Variants in ZNF772 observed in about 807,000 individuals in gnomAD.
ZNF772 encodes zinc finger protein 772.
Under a neutral mutation model 11.0 loss-of-function variants are expected in ZNF772, and 8 were observed. The ratio of observed to expected loss-of-function variants is 0.73; its 90% CI spans 0.43 to 1.31. The LOEUF (loss-of-function observed/expected upper bound fraction) is 1.31, where lower values mean the gene tolerates loss of function less well. Among genes scored for constraint, ZNF772 ranks in the 50% most tolerant of loss-of-function variants. The pLI is 0.01. For synonymous variants in ZNF772, 155 were observed against 180.4 expected, an observed-to-expected ratio of 0.86 and a Z score of 1.13; for missense variants, 496 against 552.3, an observed-to-expected ratio of 0.90 and a Z score of 1.02.
chr19:57,475,186 T>C lies in ZNF772; in HGVS notation c.199+474A>G, dbSNP rs550722501. 2.7e-5 allele frequency: 43 copies of C among 1,607,214 alleles called. No homozygotes were observed. The Middle Eastern group carries it at 5.0e-4, about 19-fold the overall frequency. On this transcript the variant is annotated intron_variant, in intron 3 of 3. Transcript: ENST00000356584. The surrounding 1 kb of genome is among the most constrained non-coding windows in gnomAD (Gnocchi z 4.2). The stretch of plus-strand genomic sequence containing the variant: ...GAACAGCACTGGTCTGGGTAACCCA[T>C]ATAGAAAACTAAATATTATTAAAAT...
In ZNF772 at chr19:57,473,563, A is replaced by G; in HGVS notation, c.1058T>C (p.Ile353Thr). ...GKYFGHKYRLIKHWSVHTGAR... is the reference protein window; with the variant it reads ...GKYFGHKYRLTKHWSVHTGAR... ...TCCAGTATGAACACTCCAATGTTTA[A>G]TGAGTCTGTATTTGTGACCAAAGTA... The change falls in exon 4 of 4, where the codon ATT (isoleucine) becomes ACT (threonine). Residue 353 changes from isoleucine (I) to threonine (T), a missense_variant. Physicochemically the swap from Ile to Thr is moderately conservative, Grantham distance 89. Transcript: ENST00000356584. The G allele has an allele frequency of 6.2e-7, 1 of 1,612,636 alleles. No individual in the cohort carries two copies.
chr19:57,469,693 G>C lies in ZNF772; in HGVS notation c.*3581C>G, dbSNP rs2089192747. 6.6e-6 allele frequency: 1 copy of C among 152,198 alleles called. No homozygotes were observed. The highest frequency in any genetic ancestry group is 2.4e-5 in the African/African-American group (1 of 41,452). 9.4% of individuals were successfully genotyped at this position (152,198 alleles called of 1,614,324 possible). ...AGAAGTAAATCCAATTTAATATTCA[G>C]AGATGTCAACAATCCTCTTAAAATA... On this transcript the variant is annotated 3_prime_UTR_variant, in exon 4 of 4. Coordinates refer to ENST00000356584, the MANE Select transcript of ZNF772 (RefSeq NM_001144068.2).
Position 57,475,824 on chromosome 19 carries a change from C to T in ZNF772, c.73-38G>A, listed in dbSNP as rs2089277689. ...GGAGAGCCAAGTCCATGAGCAGCATCTCTCCCAAGAACCCCCATCCGTGCC... is the reference window on the plus strand; with the variant it reads ...GGAGAGCCAAGTCCATGAGCAGCATTTCTCCCAAGAACCCCCATCCGTGCC... On this transcript the variant is annotated intron_variant, in intron 2 of 3. Coordinates refer to ENST00000356584, the MANE Select transcript of ZNF772 (RefSeq NM_001144068.2). The surrounding 1 kb of genome is among the most constrained non-coding windows in gnomAD (Gnocchi z 4.2). The T allele has an allele frequency of 6.4e-7, 1 of 1,567,430 alleles. No individual in the cohort carries two copies. Among genetic ancestry groups the T allele is most frequent in the South Asian group, 1.2e-5 (1 of 82,746 alleles).
rs752102539 is a variant in ZNF772 at position 57,471,594 on chromosome 19, G to C, written c.*1680C>G. 6.6e-6 allele frequency: 1 copy of C among 152,266 alleles called. No homozygotes were observed. Among genetic ancestry groups the C allele is most frequent in the Non-Finnish European group, 1.5e-5 (1 of 68,180 alleles). 9.4% of individuals were successfully genotyped at this position (152,266 alleles called of 1,614,324 possible). On this transcript the variant is annotated 3_prime_UTR_variant, in exon 4 of 4. Coordinates refer to ENST00000356584, the MANE Select transcript of ZNF772 (RefSeq NM_001144068.2). ...TCTCTTCCACTTTTAACCAGGATTA[G>C]CTAGGGTTACTTATGAAATATAGCA... is the stretch of plus-strand genomic sequence containing the variant.
Position 57,473,579 on chromosome 19 carries a change from G to A in ZNF772, c.1042C>T (p.His348Tyr). ...CAATGTTTAATGAGTCTGTATTTGT[G>A]ACCAAAGTATTTTCCACATTCGCTG... The part of the protein sequence containing the change: ...ECSECGKYFG[H>Y]KYRLIKHWSV... The change falls in exon 4 of 4, where the codon CAC becomes TAC. Residue 348 changes from histidine to tyrosine, a missense_variant. Transcript: ENST00000356584. 2 of 1,613,156 alleles carry A rather than the reference G, an allele frequency of 1.2e-6. No homozygotes were observed. The highest frequency in any genetic ancestry group is 1.7e-6 in the Non-Finnish European group (2 of 1,179,216).
rs1358548197 is a variant in ZNF772 at position 57,472,120 on chromosome 19, A to T, written c.*1154T>A. ...TTCTGTAAACCCTCATAATGGAGCC[A>T]GAGTAATGGAAACACATGTGGATGT... On this transcript the variant is annotated 3_prime_UTR_variant, in exon 4 of 4. Transcript: ENST00000356584. 2 of 456,296 alleles carry T rather than the reference A, an allele frequency of 4.4e-6. No individual in the cohort carries two copies. The highest frequency in any genetic ancestry group is 4.7e-5 in the Admixed American group (2 of 42,586). The allele number at this position is 456,296 out of a possible 1,614,324, so 28.3% of individuals were successfully genotyped here. A position where few individuals can be genotyped will look rare whatever the true frequency, so the allele number is the denominator to read the frequency against.
rs2123144665 is a variant in ZNF772 at position 57,472,377 on chromosome 19, T to A, written c.*897A>T. On this transcript the variant is annotated 3_prime_UTR_variant, in exon 4 of 4. Transcript: ENST00000356584. ...TTCTGGGAACAAGGGACGTAATTCA[T>A]GTTGCTCCCAGACACATTAGAGATT... 1 of 345,272 alleles carries A rather than the reference T, an allele frequency of 2.9e-6. No individual in the cohort carries two copies. Among genetic ancestry groups the A allele is most frequent in the South Asian group, 2.2e-5 (1 of 44,666 alleles). The allele number at this position is 345,272 out of a possible 1,614,324, so 21.4% of individuals were successfully genotyped here. A position where few individuals can be genotyped will look rare whatever the true frequency, so the allele number is the denominator to read the frequency against.
Position 57,473,693 on chromosome 19 carries a change from T to A in ZNF772, c.928A>T (p.Lys310Ter). The A allele has an allele frequency of 1.2e-6, 2 of 1,614,038 alleles. No homozygotes were observed. Among genetic ancestry groups the A allele is most frequent in the Non-Finnish European group, 1.7e-6 (2 of 1,180,004 alleles). The change falls in exon 4 of 4, where the codon AAG (lysine) becomes TAG (stop). Residue 310 changes from lysine (K) to a stop codon, truncating the protein, a stop_gained. Coordinates refer to ENST00000356584, the MANE Select transcript of ZNF772 (RefSeq NM_001144068.2). LOFTEE classifies it low-confidence loss of function (END_TRUNC). ...QRVHTGARPY[K>*]CSECGKAYSH... The stretch of plus-strand genomic sequence containing the variant: ...TAGGCTTTCCCACATTCACTGCACT[T>A]GTAAGGCCTTGCTCCAGTGTGTACT...
intron 1 of ZNF772, among the ~76,000 whole-genome samples, chr19:57,476,898 T>A (rs920466130): frequency 6.6e-6 from 1 of 152,210 alleles, no homozygotes; most frequent in African/African-American, 2.4e-5. Context: ...GTCTATGGAA[T>A]ACTTTTTAAA....
In ZNF772 at chr19:57,473,884, ACT is replaced by A; in HGVS notation, c.735_736del (p.Arg245SerfsTer9). Reference sequence around the variant, plus strand: ...CTCATAAGGCCTTTCTCCAGTGTGGACTCTCTGGTGTTGAACAAGTGAGTCTT... The same window carrying A: ...CTCATAAGGCCTTTCTCCAGTGTGGACTCTGGTGTTGAACAAGTGAGTCTT... On this transcript the variant is annotated frameshift_variant, in exon 4 of 4. Coordinates refer to ENST00000356584, the MANE Select transcript of ZNF772 (RefSeq NM_001144068.2). LOFTEE classifies it low-confidence loss of function (END_TRUNC). The A allele has an allele frequency of 6.2e-7, 1 of 1,614,042 alleles. No homozygotes were observed. The highest frequency in any genetic ancestry group is 8.5e-7 in the Non-Finnish European group (1 of 1,180,014).
Position 57,473,720 on chromosome 19 carries a change from T to C in ZNF772, c.901A>G (p.Arg301Gly). ...NHSSNLIVHQ[R>G]VHTGARPYKC... The stretch of plus-strand genomic sequence containing the variant: ...TAAGGCCTTGCTCCAGTGTGTACTC[T>C]TTGATGTACAATAAGGTTAGAGCTA... Residue 301 changes from arginine (R) to glycine (G), a missense_variant, in exon 4 of 4, where the codon AGA becomes GGA. Physicochemically the swap from Arg to Gly is moderately radical, Grantham distance 125. Transcript: ENST00000356584. 6.2e-7 allele frequency: 1 copy of C among 1,614,226 alleles called. No individual in the cohort carries two copies.
At position 57,473,278 on chromosome 19, in the gene ZNF772, G is replaced by C. The variant is rs771622612; in HGVS notation, c.1343C>G (p.Pro448Arg). 3.0e-5 allele frequency: 48 copies of C among 1,611,038 alleles called. No homozygotes were observed. Among genetic ancestry groups the C allele is most frequent in the Non-Finnish European group, 2.0e-5 (24 of 1,177,962 alleles). The change falls in exon 4 of 4, where the codon CCT (proline) becomes CGT (arginine). Residue 448 changes from proline to arginine, a missense_variant. Physicochemically the swap from Pro to Arg is moderately radical, Grantham distance 103. Coordinates refer to ENST00000356584, the MANE Select transcript of ZNF772 (RefSeq NM_001144068.2). The stretch of plus-strand genomic sequence containing the variant: ...GAAACGGAATTATCTCCCATCCTAA[G>C]GCCTTTCTCCAGTGTGAATTTTCCA... ...RHWKIHTGER[P>R] is the part of the protein sequence containing the mutation.
Position 57,477,454 on chromosome 19 carries a change from C to T in ZNF772, c.-145G>A. ...CTCTTCAGGGAAGAAGACACTCTCT[C>T]ACGTTTTCCCTTTTCTGTCACCTCA... On this transcript the variant is annotated 5_prime_UTR_variant, in exon 1 of 4. Transcript: ENST00000356584. 1 of 772,770 alleles carries T rather than the reference C, an allele frequency of 1.3e-6. No homozygotes were observed. The highest frequency in any genetic ancestry group is 2.1e-6 in the Non-Finnish European group (1 of 482,380). The allele number at this position is 772,770 out of a possible 1,614,324, so 47.9% of individuals were successfully genotyped here. A position where few individuals can be genotyped will look rare whatever the true frequency, so the allele number is the denominator to read the frequency against.
intron 1 of ZNF772, 72 bp downstream of exon 1, chr19:57,477,205 G>A: frequency 1.2e-6 from 2 of 1,603,786 alleles, no homozygotes; most frequent in African/African-American, 1.3e-5. Flanking sequence ...AGTAACCCGA[G>A]GAATCGTTCA....
At position 57,477,257 on chromosome 19, in the gene ZNF772, C is replaced by T. The variant is rs1169706974; in HGVS notation, c.33+20G>A. 2 of 1,613,280 alleles carry T rather than the reference C, an allele frequency of 1.2e-6. No individual in the cohort carries two copies. Among genetic ancestry groups the T allele is most frequent in the African/African-American group, 2.7e-5 (2 of 74,908 alleles). ...TCAGAGATGGGGGTCAGCGCGCAGA[C>T]TCGCAGACGCAGCACCCACCTGTGC... On this transcript the variant is annotated intron_variant, in intron 1 of 3. Coordinates refer to ENST00000356584, the MANE Select transcript of ZNF772 (RefSeq NM_001144068.2).
chr19:57,471,817 C>CA lies in ZNF772; in HGVS notation c.*1456dup. 5.2e-6 allele frequency: 1 copy of CA among 190,682 alleles called. No homozygotes were observed. Among genetic ancestry groups the CA allele is most frequent in the South Asian group, 8.6e-5 (1 of 11,610 alleles). 11.8% of individuals were successfully genotyped at this position (190,682 alleles called of 1,614,324 possible). A position where few individuals can be genotyped will look rare whatever the true frequency, so the allele number is the denominator to read the frequency against. On this transcript the variant is annotated 3_prime_UTR_variant, in exon 4 of 4. Transcript: ENST00000356584. Reference sequence around the variant, plus strand: ...GCCTTAATTTCAGAGTTTAAGAAGCCAAAAACATTAGAATACATATTAAAT... The same window carrying CA: ...GCCTTAATTTCAGAGTTTAAGAAGCCAAAAAACATTAGAATACATATTAAAT...
At position 57,475,765 on chromosome 19, in the gene ZNF772, C is replaced by A; in HGVS notation, c.94G>T (p.Val32Leu). 1 of 1,607,056 alleles carries A rather than the reference C, an allele frequency of 6.2e-7. No homozygotes were observed. The highest frequency in any genetic ancestry group is 8.5e-7 in the Non-Finnish European group (1 of 1,175,992). The change falls in exon 3 of 4, where the codon GTG becomes TTG. Residue 32 changes from valine to leucine, a missense_variant. Coordinates refer to ENST00000356584, the MANE Select transcript of ZNF772 (RefSeq NM_001144068.2). This position sits in a 1 kb window ranked among gnomAD's most constrained non-coding sequence, Gnocchi z 4.2. ...TCCTCCTGGGAGAAGTACACGAACA[C>A]GTCCTCAAAGTTCACCTGCCCCTGC... ...PIQGQVNFED[V>L]FVYFSQEEWV...
Position 57,475,281 on chromosome 19 carries a change from A to G in ZNF772, c.199+379T>C. 8.9e-7 allele frequency: 1 copy of G among 1,119,304 alleles called. No homozygotes were observed. Among genetic ancestry groups the G allele is most frequent in the South Asian group, 1.6e-5 (1 of 64,442 alleles). The allele number at this position is 1,119,304 out of a possible 1,614,324, so 69.3% of individuals were successfully genotyped here. On this transcript the variant is annotated intron_variant, in intron 3 of 3. Coordinates refer to ENST00000356584, the MANE Select transcript of ZNF772 (RefSeq NM_001144068.2). This position sits in a 1 kb window ranked among gnomAD's most constrained non-coding sequence, Gnocchi z 4.2. ...AAGTAGCGACCATAATGGTCCCTAC[A>G]ATTCCTGACATAGGCAGGCCACAGG...
rs1320443764 is a variant in ZNF772, at chr19:57,473,657, A to G, written c.964T>C (p.Ser322Pro). The change falls in exon 4 of 4, where the codon TCT (serine) becomes CCT (proline). Residue 322 changes from serine to proline, a missense_variant. Transcript: ENST00000356584. Reference protein sequence around the residue: ...SECGKAYSHKSTLVQHESIHT... With the variant: ...SECGKAYSHKPTLVQHESIHT... ...ATACTCTCATGCTGAACAAGTGTAG[A>G]TTTGTGACTATAGGCTTTCCCACAT... 1.2e-6 allele frequency: 2 copies of G among 1,612,916 alleles called. No homozygotes were observed. The highest frequency in any genetic ancestry group is 1.7e-6 in the Non-Finnish European group (2 of 1,179,746).
Sources: allele counts gnomAD v4.1 joint callset (sites outside exome capture counted in the v4.1 genomes callset), GRCh38; gene constraint gnomAD v4.1.1; non-coding constraint Gnocchi (gnomAD v3.1); transcripts MANE v1.5; gene names NCBI Gene and HGNC (gene_info 2026-07-23, HGNC 2026-07-21).